SLC24A2: variants seen among roughly 807,000 people sequenced by gnomAD.
SLC24A2 encodes solute carrier family 24 member 2.
Under a neutral mutation model 62.0 loss-of-function variants are expected in SLC24A2, and 36 were observed. The observed-to-expected ratio is 0.58, with a 90% CI of 0.44 to 0.77. The LOEUF (loss-of-function observed/expected upper bound fraction) is 0.77. SLC24A2 is among the 30% of genes least tolerant of loss of function. The pLI, the probability that SLC24A2 is intolerant of heterozygous loss-of-function variation, is 0.00. For synonymous variants in SLC24A2, 358 were observed against 294.0 expected, an observed-to-expected ratio of 1.22 and a Z score of -2.23; for missense variants, 846 against 817.9, an observed-to-expected ratio of 1.03 and a Z score of -0.42.
chr9:19,723,831 C>G (rs181895345), intron 2 of SLC24A2, among the ~76,000 whole-genome samples: 1 of 151,972 alleles, frequency 6.6e-6, no homozygotes, highest in Admixed American at 6.6e-5. Context: ...TACTTCAGGA[C>G]AGTAGTTAAC....
the SLC24A2 span, among the ~76,000 whole-genome samples, chr9:20,079,881 G>T: frequency 6.6e-6 from 1 of 151,940 alleles, no homozygotes; most frequent in South Asian, 2.1e-4. Flanking sequence ...TGCAAACAGG[G>T]ACAAAGAGAA....
At chr9:19,887,240 ACTTTTT>A in the SLC24A2 span, among the ~76,000 whole-genome samples, 8 of 152,238 alleles carry the variant, frequency 5.3e-5, no homozygotes, top group Non-Finnish European at 4.4e-5. Context: ...TCCTTTCCCC[ACTTTTT>A]AATGGGGTTG....
the SLC24A2 span, among the ~76,000 whole-genome samples, chr9:19,851,184 A>G: frequency 6.0e-5 from 9 of 149,266 alleles, no homozygotes; most frequent in African/African-American, 2.2e-4. Flanking sequence ...CCACCATGCC[A>G]GGCTAGTTTT....
the SLC24A2 span, among the ~76,000 whole-genome samples, chr9:19,912,452 G>A: frequency 6.6e-6 from 1 of 152,120 alleles, no homozygotes; most frequent in Non-Finnish European, 1.5e-5. Flanking sequence ...AATTTGTCAA[G>A]TTATTGGCTC....
chr9:19,610,947 G>A (rs1419854724), intron 4 of SLC24A2, among the ~76,000 whole-genome samples: 2 of 152,254 alleles, frequency 1.3e-5, no homozygotes, highest in African/African-American at 4.8e-5. Flanking sequence ...TGCTCTGTTG[G>A]AGGAATAAGG....
chr9:20,064,468 T>C, the SLC24A2 span, among the ~76,000 whole-genome samples: 59 of 152,262 alleles, frequency 3.9e-4, 1 homozygote, highest in African/African-American at 1.4e-3. Flanking sequence ...GTAAATAAAT[T>C]ATTGCCCAAT....
chr9:19,567,828 A>G (rs994009146), intron 7 of SLC24A2, among the ~76,000 whole-genome samples: 7 of 152,220 alleles, frequency 4.6e-5, no homozygotes, highest in African/African-American at 1.7e-4. Flanking sequence ...TTAAAAAGTC[A>G]TATTATTTCT....
chr9:19,801,805 T>C, the SLC24A2 span, among the ~76,000 whole-genome samples: 1 of 152,190 alleles, frequency 6.6e-6, no homozygotes, highest in Admixed American at 6.5e-5. Context: ...ATCCAGCTAG[T>C]GCTGTCTCTC....
intron 4 of SLC24A2, among the ~76,000 whole-genome samples, chr9:19,602,825 T>C (rs1413288971): frequency 6.6e-6 from 1 of 152,196 alleles, no homozygotes; most frequent in Non-Finnish European, 1.5e-5. Context: ...AGGATTGATG[T>C]GGAAAATAAA....
chr9:20,047,626 G>C, the SLC24A2 span, among the ~76,000 whole-genome samples: 2 of 141,160 alleles, frequency 1.4e-5, no homozygotes, highest in Non-Finnish European at 3.2e-5. Context: ...ACTGTGTCTG[G>C]TGACAGCCCA....
the SLC24A2 span, among the ~76,000 whole-genome samples, chr9:20,144,729 T>A: frequency 6.6e-6 from 1 of 152,108 alleles, no homozygotes; most frequent in Non-Finnish European, 1.5e-5. Context: ...CAATCTTGCA[T>A]GCTTGGATTT....
At position 19,516,141 on chromosome 9, in the gene SLC24A2, T is replaced by C. The variant is rs776473513; in HGVS notation, c.*12A>G. The C allele has an allele frequency of 1.9e-5, 30 of 1,613,908 alleles. No homozygotes were observed. Among genetic ancestry groups the C allele is most frequent in the African/African-American group, 6.7e-5 (5 of 74,900 alleles). On this transcript the variant is annotated 3_prime_UTR_variant, in exon 11 of 11. Transcript: ENST00000341998. ...CCATTCATGCTGCTGGTGCAAGATA[T>C]GGCTTTTCCTGCTAGATGGAGACGG...
At chr9:19,738,163 T>C (rs1041639280) in intron 2 of SLC24A2, among the ~76,000 whole-genome samples, 1 of 152,160 alleles carries the variant, frequency 6.6e-6, no homozygotes, top group African/African-American at 2.4e-5. Flanking sequence ...GGAGGATAAA[T>C]TTGTCAAGTT....
the SLC24A2 span, among the ~76,000 whole-genome samples, chr9:20,045,982 C>G: frequency 1.3e-5 from 2 of 152,172 alleles, no homozygotes; most frequent in African/African-American, 4.8e-5. Context: ...TGTGCCTTAG[C>G]AGGCAACAAA....
In SLC24A2 at chr9:19,572,325, T is replaced by C. The variant is rs1449223544; in HGVS notation, c.1347+1026A>G. ...ACACCTTCAGCTGTGAGGTTAAAGG[T>C]GATAACATATGTTGATATGGTTTGG... On this transcript the variant is annotated intron_variant, in intron 7 of 10. Coordinates refer to ENST00000341998, the MANE Select transcript of SLC24A2 (RefSeq NM_020344.4). Among the ~76,000 whole-genome samples, 3 of 150,162 alleles carry C rather than the reference T, an allele frequency of 2.0e-5. No homozygotes were observed. The East Asian group carries it at 5.9e-4, about 29-fold the overall frequency.
At chr9:20,082,754 T>C in the SLC24A2 span, among the ~76,000 whole-genome samples, 1 of 152,262 alleles carries the variant, frequency 6.6e-6, no homozygotes, top group African/African-American at 2.4e-5. Context: ...GCAGAGATTG[T>C]AGCTTGGAAT....
At chr9:20,074,287 T>G in the SLC24A2 span, among the ~76,000 whole-genome samples, 2 of 151,978 alleles carry the variant, frequency 1.3e-5, no homozygotes, top group African/African-American at 4.8e-5. Context: ...AGCTTTCATT[T>G]TCTAACATTA....
chr9:19,637,326 C>T (rs975561593), intron 2 of SLC24A2, among the ~76,000 whole-genome samples: 3 of 152,216 alleles, frequency 2.0e-5, no homozygotes, highest in Non-Finnish European at 4.4e-5. Flanking sequence ...CGGAGGTCTG[C>T]CCTGGGCATC....
the SLC24A2 span, among the ~76,000 whole-genome samples, chr9:20,094,779 G>A: frequency 1.2e-4 from 19 of 152,250 alleles, no homozygotes; most frequent in South Asian, 2.1e-3. Flanking sequence ...GGGAAACAAT[G>A]TATTTCCAAA....
Sources: gnomAD v4.1 joint callset for allele counts (sites outside exome capture counted in the v4.1 genomes callset) on GRCh38, gnomAD v4.1.1 for gene constraint, MANE v1.5 for transcripts, NCBI Gene and HGNC (gene_info 2026-07-23, HGNC 2026-07-21) for gene names.